Variants in NPC1 observed in about 807,000 individuals in gnomAD.
The protein encoded by NPC1 is NPC intracellular cholesterol transporter 1.
NPC1 carries 85 observed loss-of-function variants against 140.4 expected under a neutral mutation model. The ratio of observed to expected loss-of-function variants is 0.61; its 90% CI spans 0.51 to 0.72. The LOEUF (loss-of-function observed/expected upper bound fraction) is 0.72, where lower values mean the gene tolerates loss of function less well. NPC1 is among the 30% of genes least tolerant of loss of function. The pLI, the probability that NPC1 is intolerant of heterozygous loss-of-function variation, is 0.00. For synonymous variants in NPC1, 656 were observed against 624.8 expected, an observed-to-expected ratio of 1.05 and a Z score of -0.74; for missense variants, 1,504 against 1,623.8, an observed-to-expected ratio of 0.93 and a Z score of 1.27.
intron 11 of NPC1, among the ~76,000 whole-genome samples, chr18:23,546,238 G>C (rs2058786944): frequency 1.1e-5 from 1 of 94,082 alleles, no homozygotes; most frequent in Admixed American, 1.9e-4. Context: ...GACACAGCAA[G>C]ACTCTGTCTC....
intron 4 of NPC1, among the ~76,000 whole-genome samples, chr18:23,567,259 G>A (rs1023993634): frequency 6.6e-6 from 1 of 152,212 alleles, no homozygotes; most frequent in Non-Finnish European, 1.5e-5. Flanking sequence ...GTACCGTTTT[G>A]TACTCCCACC....
chr18:23,544,299 G>C, intron 13 of NPC1, 45 bp downstream of exon 13: 1 of 1,593,284 alleles, frequency 6.3e-7, no homozygotes, highest in East Asian at 2.2e-5. Context: ...CACAGTCCCT[G>C]AAACTTGAAC....
chr18:23,544,943 A>ACCAC lies in NPC1; in HGVS notation c.1947+16_1947+17insGTGG, dbSNP rs55809701. On this transcript the variant is annotated intron_variant, in intron 12 of 24. Coordinates refer to ENST00000269228, the MANE Select transcript of NPC1 (RefSeq NM_000271.5). ...GCTGTTAACCTCTAGAACATACACCACCCCCCCCCGGCTTACCAGAAGCCT... is the reference window on the plus strand; with the variant it reads ...GCTGTTAACCTCTAGAACATACACCACCACCCCCCCCCCGGCTTACCAGAAGCCT... 249 of 1,042,286 alleles carry ACCAC rather than the reference A, an allele frequency of 2.4e-4. 1 individual carries two copies. In the East Asian group the frequency reaches 5.8e-3, roughly 24 times the overall value. The allele number at this position is 1,042,286 out of a possible 1,614,324, so 64.6% of individuals were successfully genotyped here.
chr18:23,532,836 T>C, intron 24 of NPC1: 9 of 978,238 alleles, frequency 9.2e-6, no homozygotes, highest in Non-Finnish European at 8.5e-6. Context: ...AAGCTATAAA[T>C]GAAGCAAATC....
chr18:23,573,796 TTTC>T (rs2059236645), intron 1 of NPC1, among the ~76,000 whole-genome samples: 1 of 152,256 alleles, frequency 6.6e-6, no homozygotes, highest in Non-Finnish European at 1.5e-5. Flanking sequence ...ATTTACATAA[TTTC>T]TATTTCCTGC....
At chr18:23,559,211 G>A (rs932100519) in intron 6 of NPC1, among the ~76,000 whole-genome samples, 3 of 152,174 alleles carry the variant, frequency 2.0e-5, no homozygotes, top group African/African-American at 7.2e-5. Context: ...ATAGCAGCAT[G>A]ATTTATAATC....
chr18:23,530,467 G>A, downstream of NPC1: 2 of 1,614,248 alleles, frequency 1.2e-6, no homozygotes, highest in Admixed American at 1.7e-5. Flanking sequence ...GGTTTATCCG[G>A]GGCATTGGTG....
chr18:23,586,503 G>A lies in NPC1; in HGVS notation c.-160C>T, dbSNP rs2145605221. ...GCAGCAGGCTGCGCGCGCCGGTCAGGAAGGAAGAAGGCGTCGTCGGCTCCG... is the reference window on the plus strand; with the variant it reads ...GCAGCAGGCTGCGCGCGCCGGTCAGAAAGGAAGAAGGCGTCGTCGGCTCCG... On this transcript the variant is annotated 5_prime_UTR_variant, in exon 1 of 25. Transcript: ENST00000269228. 7.1e-7 allele frequency: 1 copy of A among 1,405,834 alleles called. No homozygotes were observed. The highest frequency in any genetic ancestry group is 2.6e-4 in the Middle Eastern group (1 of 3,852). The allele number at this position is 1,405,834 out of a possible 1,614,324, so 87.1% of individuals were successfully genotyped here.
intron 4 of NPC1, among the ~76,000 whole-genome samples, chr18:23,563,584 G>T (rs548589299): frequency 1.3e-5 from 2 of 152,254 alleles, no homozygotes; most frequent in African/African-American, 4.8e-5. Context: ...ACCATACCCA[G>T]CTAAGTTTTT....
chr18:23,555,033 C>A (rs2058929991), intron 8 of NPC1, 49 bp from the exon 9 acceptor site: 2 of 1,193,082 alleles, frequency 1.7e-6, no homozygotes, highest in Admixed American at 1.8e-5. Context: ...CGTCACATTT[C>A]TCTCAGATCT....
downstream of NPC1, among the ~76,000 whole-genome samples, chr18:23,527,436 G>A (rs1004915441): frequency 1.3e-5 from 2 of 151,622 alleles, no homozygotes; most frequent in African/African-American, 2.4e-5. Flanking sequence ...ACCAATATGT[G>A]CTGTTGGTGT....
At chr18:23,556,731 A>T in intron 7 of NPC1, 118 bp from the exon 8 acceptor site, 2 of 1,461,924 alleles carry the variant, frequency 1.4e-6, no homozygotes, top group Non-Finnish European at 1.9e-6. Flanking sequence ...ACCTGGGGAC[A>T]CATATGAGAC....
At chr18:23,523,543 C>CAAAAAAAAAAAAAAAAAAA in intron 1 of NPC1, among the ~76,000 whole-genome samples, 1 of 76,406 alleles carries the variant, frequency 1.3e-5, no homozygotes, top group Non-Finnish European at 2.3e-5. Context: ...CTTGTCTTCA[C>CAAAAAAAAAAAAAAAAAAA]AAAAAAAAAA....
chr18:23,524,310 C>G (rs902432633), downstream of NPC1: 72 of 1,487,026 alleles, frequency 4.8e-5, no homozygotes, highest in Middle Eastern at 3.4e-4. Context: ...CCTGACTGTC[C>G]AGGGGCCTCG....
Position 23,541,344 on chromosome 18 carries a change from A to G in NPC1, c.2335T>C (p.Phe779Leu), listed in dbSNP as rs1555633722. ...ATGTCTAACCCCAAGAGACTCACGAAACAGGTAATCTGCAGAAGAAAGTCA... is the reference window on the plus strand; with the variant it reads ...ATGTCTAACCCCAAGAGACTCACGAGACAGGTAATCTGCAGAAGAAAGTCA... ...FIDFLLQITC[F>L]VSLLGLDIKR... Residue 779 changes from phenylalanine to leucine, a missense_variant, in exon 15 of 25, where the codon TTC (phenylalanine) becomes CTC (leucine). Transcript: ENST00000269228. 1 of 1,614,212 alleles carries G rather than the reference A, an allele frequency of 6.2e-7. No homozygotes were observed. Among genetic ancestry groups the G allele is most frequent in the Non-Finnish European group, 8.5e-7 (1 of 1,180,044 alleles).
chr18:23,541,348 G>A lies in NPC1; in HGVS notation c.2331C>T (p.Thr777=). ...AVFIDFLLQI[T]CFVSLLGLDI... ...CTAACCCCAAGAGACTCACGAAACA[G>A]GTAATCTGCAGAAGAAAGTCAATGA... The change falls in exon 15 of 25, where the codon ACC becomes ACT. Residue 777 remains threonine (T), a synonymous_variant. Coordinates refer to ENST00000269228, the MANE Select transcript of NPC1 (RefSeq NM_000271.5). 1 of 1,614,216 alleles carries A rather than the reference G, an allele frequency of 6.2e-7. No homozygotes were observed. The highest frequency in any genetic ancestry group is 8.5e-7 in the Non-Finnish European group (1 of 1,180,042).
intron 3 of NPC1, chr18:23,515,800 T>C: frequency 6.2e-7 from 1 of 1,608,764 alleles, no homozygotes. Context: ...CCCAAAGTGC[T>C]GGGATTAGTT....
chr18:23,571,926 T>G (rs548973245), intron 3 of NPC1, 148 bp downstream of exon 3: 1 of 282,384 alleles, frequency 3.5e-6, no homozygotes, highest in Admixed American at 4.8e-5. Flanking sequence ...ACTTTACATG[T>G]ATACATATAT....
intron 3 of NPC1, chr18:23,507,098 T>C (rs374029946): frequency 2.2e-6 from 3 of 1,362,564 alleles, no homozygotes; most frequent in Non-Finnish European, 3.1e-6. Flanking sequence ...GCATTAGAAA[T>C]ACATTTGGAA....
Sources: allele counts gnomAD v4.1 joint callset (sites outside exome capture counted in the v4.1 genomes callset), GRCh38; gene constraint gnomAD v4.1.1; transcripts MANE v1.5; gene names NCBI Gene and HGNC (gene_info 2026-07-23, HGNC 2026-07-21).